Variants in PPP3CA observed in about 807,000 individuals in gnomAD.
PPP3CA encodes the protein protein phosphatase 3 catalytic subunit alpha, also known as CAM-PRP catalytic subunit.
PPP3CA carries 14 observed loss-of-function variants against 66.5 expected under a neutral mutation model. The ratio of observed to expected loss-of-function variants is 0.21; its 90% CI spans 0.14 to 0.33. The LOEUF is 0.33. PPP3CA is among the 10% of genes least tolerant of loss of function. The pLI is 1.00. For missense variants in PPP3CA, 317 were observed against 639.5 expected, an observed-to-expected ratio of 0.50 and a Z score of 5.44; for synonymous variants, 232 against 226.2, an observed-to-expected ratio of 1.03 and a Z score of -0.23.
chr4:101,144,033 T>A (rs1157555311), intron 2 of PPP3CA, among the ~76,000 whole-genome samples: 1 of 151,368 alleles, frequency 6.6e-6, no homozygotes, highest in African/African-American at 2.5e-5. Flanking sequence ...ATCACCCTCC[T>A]TCTTTAGACC....
chr4:101,270,488 A>G (rs1727303963), intron 1 of PPP3CA, among the ~76,000 whole-genome samples: 1 of 152,198 alleles, frequency 6.6e-6, no homozygotes, highest in East Asian at 1.9e-4. Context: ...GTTTAAAGAC[A>G]CTAAAAATAT....
chr4:101,083,318 C>T, intron 6 of PPP3CA, 55 bp from the exon 7 acceptor site: 5 of 1,414,672 alleles, frequency 3.5e-6, no homozygotes, highest in Non-Finnish European at 4.0e-6. Flanking sequence ...TCAGGAGTAG[C>T]ACATTTATCT....
chr4:101,197,043 C>T (rs1724816725), intron 1 of PPP3CA, among the ~76,000 whole-genome samples: 1 of 152,208 alleles, frequency 6.6e-6, no homozygotes, highest in South Asian at 2.1e-4. Context: ...TTCTCTGTTT[C>T]ACATGATGGT....
At position 101,346,904 on chromosome 4, in the gene PPP3CA, C is replaced by T; in HGVS notation, c.-108G>A. On this transcript the variant is annotated 5_prime_UTR_variant, in exon 1 of 14. Transcript: ENST00000394854. ...GCCGCCGCCGCCGCCGCCGCCGCCG[C>T]GCTGCAAACCGCTCGGCTGGAGGTC... is the stretch of plus-strand genomic sequence containing the variant. The T allele has an allele frequency of 1.5e-6, 2 of 1,296,142 alleles. No homozygotes were observed. The highest frequency in any genetic ancestry group is 1.1e-6 in the Non-Finnish European group (1 of 922,808). The allele number at this position is 1,296,142 out of a possible 1,614,324, so 80.3% of individuals were successfully genotyped here. A position where few individuals can be genotyped will look rare whatever the true frequency, so the allele number is the denominator to read the frequency against.
chr4:101,190,548 T>G (rs1319750036), intron 2 of PPP3CA, among the ~76,000 whole-genome samples: 1 of 152,202 alleles, frequency 6.6e-6, no homozygotes, highest in African/African-American at 2.4e-5. Flanking sequence ...ACACAAATAC[T>G]GAATTACTAT....
intron 2 of PPP3CA, among the ~76,000 whole-genome samples, chr4:101,175,653 A>G (rs1335442091): frequency 1.3e-5 from 2 of 152,188 alleles, no homozygotes; most frequent in African/African-American, 4.8e-5. Context: ...GCAGCTGTAT[A>G]CCATATTAAA....
intron 2 of PPP3CA, among the ~76,000 whole-genome samples, chr4:101,173,266 A>T (rs1308613934): frequency 6.6e-6 from 1 of 152,136 alleles, no homozygotes; most frequent in Non-Finnish European, 1.5e-5. Context: ...AATGAGGAAT[A>T]GATGGATGTG....
intron 1 of PPP3CA, among the ~76,000 whole-genome samples, chr4:101,291,899 T>C (rs2850357): frequency 0.36 from 55,148 of 151,944 alleles, 15,148 homozygotes; most frequent in African/African-American, 0.75. Context: ...GAGGCCGAGG[T>C]GGGCAGATCC....
At chr4:101,232,233 T>C (rs1725985048) in intron 1 of PPP3CA, among the ~76,000 whole-genome samples, 1 of 151,600 alleles carries the variant, frequency 6.6e-6, no homozygotes, top group Non-Finnish European at 1.5e-5. Flanking sequence ...TGTCAGTATA[T>C]GAATATGATG....
At chr4:101,194,997 G>A (rs1214103603) in intron 2 of PPP3CA, among the ~76,000 whole-genome samples, 1 of 152,084 alleles carries the variant, frequency 6.6e-6, no homozygotes, top group Non-Finnish European at 1.5e-5. Context: ...AAAAGGCCCG[G>A]AGTGGTGGCT....
At chr4:101,337,598 T>C (rs1395187813) in intron 1 of PPP3CA, among the ~76,000 whole-genome samples, 2 of 152,192 alleles carry the variant, frequency 1.3e-5, no homozygotes, top group African/African-American at 2.4e-5. Context: ...ATAGTTTCCT[T>C]AGTCTTCAAC....
intron 1 of PPP3CA, among the ~76,000 whole-genome samples, chr4:101,334,547 C>A (rs552994609): frequency 1.1e-3 from 174 of 151,892 alleles, no homozygotes; most frequent in Admixed American, 2.4e-3. Context: ...CAACATTACC[C>A]AAAAGGAAAA....
intron 1 of PPP3CA, among the ~76,000 whole-genome samples, chr4:101,271,858 AAAC>A (rs1216019315): frequency 1.3e-5 from 2 of 152,322 alleles, no homozygotes; most frequent in East Asian, 1.9e-4. Context: ...CACAAAACAC[AAAC>A]AACAAAAGTG....
intron 1 of PPP3CA, among the ~76,000 whole-genome samples, chr4:101,244,392 A>G (rs1726409323): frequency 6.6e-6 from 1 of 152,172 alleles, no homozygotes; most frequent in Non-Finnish European, 1.5e-5. Flanking sequence ...AGGTTATATA[A>G]TTAACCTCTT....
At chr4:101,035,301 A>C (rs1039128768) in intron 11 of PPP3CA, among the ~76,000 whole-genome samples, 2 of 149,216 alleles carry the variant, frequency 1.3e-5, no homozygotes, top group East Asian at 2.0e-4. Context: ...AAACCCCCCC[A>C]AAAACATGGG....
chr4:101,223,622 CAT>C (rs2110216076), intron 1 of PPP3CA, among the ~76,000 whole-genome samples: 1 of 151,908 alleles, frequency 6.6e-6, no homozygotes, highest in South Asian at 2.1e-4. Context: ...TCTGGACACA[CAT>C]ATGAAAGCAT....
At chr4:101,134,241 G>T (rs1381697144) in intron 2 of PPP3CA, among the ~76,000 whole-genome samples, 1 of 152,148 alleles carries the variant, frequency 6.6e-6, no homozygotes, top group African/African-American at 2.4e-5. Flanking sequence ...TTGACAAATA[G>T]GATCTAATTA....
intron 1 of PPP3CA, among the ~76,000 whole-genome samples, chr4:101,221,623 G>T (rs1470518712): frequency 6.6e-6 from 1 of 151,418 alleles, no homozygotes. Context: ...ATTCTAAACA[G>T]ACTACTTTAT....
At chr4:101,274,251 C>T (rs1727421593) in intron 1 of PPP3CA, among the ~76,000 whole-genome samples, 1 of 152,270 alleles carries the variant, frequency 6.6e-6, no homozygotes, top group Admixed American at 6.5e-5. Flanking sequence ...TTATAGTGAG[C>T]TGAGATTGCA....
Sources: allele counts gnomAD v4.1 joint callset (sites outside exome capture counted in the v4.1 genomes callset), GRCh38; gene constraint gnomAD v4.1.1; transcripts MANE v1.5; gene names NCBI Gene and HGNC (gene_info 2026-07-23, HGNC 2026-07-21).